PRKCB: variants seen among roughly 807,000 people sequenced by gnomAD.
The protein encoded by PRKCB is protein kinase C beta, also known as protein kinase C beta type.
PRKCB carries 13 observed loss-of-function variants against 81.5 expected under a neutral mutation model. The observed-to-expected ratio is 0.16, with a 90% confidence interval of 0.10 to 0.25. The LOEUF is 0.25. Ranked by LOEUF, PRKCB falls within the 10% of genes least tolerant of loss-of-function variation. The pLI is 1.00. For synonymous variants in PRKCB, 335 were observed against 321.4 expected (o/e 1.04, Z -0.45); for missense variants, 509 against 875.7 (o/e 0.58, Z 5.29).
chr16:23,910,216 C>T (rs575391424), intron 2 of PRKCB, among the ~76,000 whole-genome samples: 3 of 152,102 alleles, frequency 2.0e-5, no homozygotes, highest in Non-Finnish European at 2.9e-5. Flanking sequence ...AGATAGATGA[C>T]GTCACTTGAT....
chr16:24,219,582 T>A lies in PRKCB; in HGVS notation c.*4766T>A. 1.0e-6 allele frequency: 1 copy of A among 1,002,340 alleles called. No individual in the cohort carries two copies. The highest frequency in any genetic ancestry group is 1.2e-6 in the Non-Finnish European group (1 of 840,816). The allele number at this position is 1,002,340 out of a possible 1,614,324, so 62.1% of individuals were successfully genotyped here. A position where few individuals can be genotyped will look rare whatever the true frequency, so the allele number is the denominator to read the frequency against. On this transcript the variant is annotated 3_prime_UTR_variant, in exon 17 of 17. Transcript: ENST00000643927. ...TCTCCAGGACGCTCTACCTAATGAT[T>A]ATTTCTATAACATTAAGCATGGTAA...
chr16:23,864,415 G>T (rs900804980), intron 2 of PRKCB, among the ~76,000 whole-genome samples: 7 of 152,192 alleles, frequency 4.6e-5, no homozygotes, highest in Admixed American at 4.6e-4. Context: ...AGTATAGTGA[G>T]AACTCATCTT....
intron 3 of PRKCB, among the ~76,000 whole-genome samples, chr16:23,995,466 A>G (rs4788192): frequency 0.69 from 104,435 of 152,072 alleles, 37,084 homozygotes; most frequent in African/African-American, 0.87. Flanking sequence ...TTTGGAATAT[A>G]GTCCTGCCAT....
chr16:24,127,808 C>T (rs548421217), intron 9 of PRKCB, among the ~76,000 whole-genome samples: 2 of 152,320 alleles, frequency 1.3e-5, no homozygotes, highest in East Asian at 3.9e-4. Flanking sequence ...AGTAGAATAA[C>T]AAACACCTCT....
chr16:23,872,903 C>T (rs1962929356), intron 2 of PRKCB, among the ~76,000 whole-genome samples: 1 of 151,688 alleles, frequency 6.6e-6, no homozygotes, highest in Non-Finnish European at 1.5e-5. Context: ...CTTGGCCCGG[C>T]GTGGTGTCTC....
At chr16:24,183,611 C>A (rs1967660347) in intron 13 of PRKCB, among the ~76,000 whole-genome samples, 2 of 152,166 alleles carry the variant, frequency 1.3e-5, no homozygotes, top group South Asian at 4.1e-4. Context: ...AATTATAAAA[C>A]ATTCTAGGAT....
chr16:24,110,489 GCA>G (rs1966661762), intron 7 of PRKCB, among the ~76,000 whole-genome samples: 1 of 148,256 alleles, frequency 6.7e-6, no homozygotes, highest in Non-Finnish European at 1.5e-5. Context: ...GGGATTACAG[GCA>G]TAAGCCACCA....
At chr16:24,131,984 T>C (rs958653062) in intron 9 of PRKCB, among the ~76,000 whole-genome samples, 4 of 152,160 alleles carry the variant, frequency 2.6e-5, no homozygotes, top group Non-Finnish European at 5.9e-5. Flanking sequence ...CTCCTCCATA[T>C]CCTTTCCTTC....
intron 9 of PRKCB, among the ~76,000 whole-genome samples, chr16:24,142,689 C>T (rs1286210062): frequency 6.6e-6 from 1 of 152,154 alleles, no homozygotes; most frequent in African/African-American, 2.4e-5. Flanking sequence ...GGCTCGTCCA[C>T]GGAAGGGCTG....
At chr16:23,881,532 G>A (rs967137252) in intron 2 of PRKCB, among the ~76,000 whole-genome samples, 3 of 152,062 alleles carry the variant, frequency 2.0e-5, no homozygotes, top group East Asian at 1.9e-4. Flanking sequence ...GATTACAGGC[G>A]TGAGCCACTG....
chr16:24,095,630 T>C (rs1966429644), intron 7 of PRKCB, among the ~76,000 whole-genome samples: 2 of 152,202 alleles, frequency 1.3e-5, no homozygotes, highest in Admixed American at 1.3e-4. Context: ...CAGGCTCCTT[T>C]CATTCTCCTA....
chr16:24,172,747 A>G (rs1967463007), intron 11 of PRKCB, among the ~76,000 whole-genome samples: 1 of 152,110 alleles, frequency 6.6e-6, no homozygotes, highest in Non-Finnish European at 1.5e-5. Context: ...AAATAAAACA[A>G]AACTCAAAGC....
chr16:23,970,283 C>T (rs1260445226), intron 2 of PRKCB, among the ~76,000 whole-genome samples: 1 of 152,192 alleles, frequency 6.6e-6, no homozygotes, highest in Non-Finnish European at 1.5e-5. Context: ...CTCCTTCACC[C>T]TCATTTGTAC....
At position 24,160,190 on chromosome 16, in the gene PRKCB, GTTTTT is replaced by G. The variant is rs11305626; in HGVS notation, c.1239+5350_1239+5354del. On this transcript the variant is annotated intron_variant, in intron 10 of 16. Coordinates refer to ENST00000643927, the MANE Select transcript of PRKCB (RefSeq NM_002738.7). ...CAGGTTTTCTAATAGCCCTTTGGGT[GTTTTT>G]TTTTTTTTTTTTTTTTAATACTATG... is the stretch of plus-strand genomic sequence containing the variant. 8.9e-3 allele frequency among the ~76,000 whole-genome samples: 1,026 copies of G among 115,290 alleles called. 10 individuals are homozygous for G. The highest frequency in any genetic ancestry group is 0.031 in the African/African-American group (991 of 31,964). The allele number at this position is 115,290 out of a possible 152,430, so 75.6% of individuals were successfully genotyped here. A position where few individuals can be genotyped will look rare whatever the true frequency, so the allele number is the denominator to read the frequency against.
chr16:24,124,107 A>T (rs1247211363), intron 9 of PRKCB, 126 bp downstream of exon 9: 1 of 1,107,564 alleles, frequency 9.0e-7, no homozygotes, highest in Admixed American at 2.2e-5. Flanking sequence ...GAGCCACACT[A>T]CACTTTGTAA....
At chr16:24,013,280 T>C (rs1965229910) in intron 3 of PRKCB, among the ~76,000 whole-genome samples, 1 of 152,226 alleles carries the variant, frequency 6.6e-6, no homozygotes, top group Non-Finnish European at 1.5e-5. Flanking sequence ...GTTTTTGCTA[T>C]TGTAAATAAT....
intron 7 of PRKCB, among the ~76,000 whole-genome samples, chr16:24,096,202 A>G (rs1966436458): frequency 6.6e-6 from 1 of 152,130 alleles, no homozygotes; most frequent in Admixed American, 6.5e-5. Context: ...CGGAGGTTGC[A>G]GTGAGCCGAG....
chr16:23,950,261 C>T lies in PRKCB; in HGVS notation c.206-38247C>T, dbSNP rs144089956. On this transcript the variant is annotated intron_variant, in intron 2 of 16. Coordinates refer to ENST00000643927, the MANE Select transcript of PRKCB (RefSeq NM_002738.7). ...AACCTAGGTTCCAGACTCTGTGTGT[C>T]CCTGAATGGTAATAGTGACTCTCTT... 2.9e-4 allele frequency among the ~76,000 whole-genome samples: 43 copies of T among 147,958 alleles called. No individual in the cohort carries two copies. In the East Asian group the frequency reaches 5.3e-3, roughly 18 times the overall value.
chr16:24,113,054 G>A lies in PRKCB; in HGVS notation c.903G>A (p.Leu301=), dbSNP rs1966694259. The A allele has an allele frequency of 6.2e-7, 1 of 1,611,132 alleles. No homozygotes were observed. Among genetic ancestry groups the A allele is most frequent in the Non-Finnish European group, 8.5e-7 (1 of 1,178,664 alleles). ...PPEGSEANEE[L]RQKFERAKIS... ...AAGGAAGTGAGGCCAATGAAGAACT[G>A]CGGCAGAAATTTGAGGTGAGGTTTC... Residue 301 remains leucine, a synonymous_variant, in exon 8 of 17, where the codon CTG becomes CTA. Coordinates refer to ENST00000643927, the MANE Select transcript of PRKCB (RefSeq NM_002738.7).
Sources: gnomAD v4.1 joint callset for allele counts (sites outside exome capture counted in the v4.1 genomes callset) on GRCh38, gnomAD v4.1.1 for gene constraint, MANE v1.5 for transcripts, NCBI Gene and HGNC (gene_info 2026-07-23, HGNC 2026-07-21) for gene names.